The following LIN7A variants were observed in gnomAD, a reference collection of about 807,000 sequenced individuals.
LIN7A encodes the protein protein lin-7 homolog A.
In LIN7A, 25 loss-of-function variants were observed where a neutral mutation model predicts 29.8. That is an observed-to-expected ratio of 0.84 (90% CI 0.61 to 1.17). The LOEUF is 1.17. Ranked by LOEUF, LIN7A falls within the 50% of genes most tolerant of loss-of-function variation. LIN7A has a pLI of 0.00. For synonymous variants in LIN7A, 118 were observed against 107.5 expected, an observed-to-expected ratio of 1.10 and a Z score of -0.60; for missense variants, 239 against 287.0, an observed-to-expected ratio of 0.83 and a Z score of 1.21.
At chr12:80,887,490 G>C (rs760578513) in intron 2 of LIN7A, among the ~76,000 whole-genome samples, 11 of 152,124 alleles carry the variant, frequency 7.2e-5, no homozygotes, top group Non-Finnish European at 1.6e-4. Context: ...CCTCTATGGA[G>C]CCTACCTTGC....
chr12:80,846,484 A>G (rs1289305961), intron 3 of LIN7A, among the ~76,000 whole-genome samples: 1 of 152,202 alleles, frequency 6.6e-6, no homozygotes, highest in Non-Finnish European at 1.5e-5. Flanking sequence ...AAAGCTTAGC[A>G]AATTTAACTT....
intron 5 of LIN7A, among the ~76,000 whole-genome samples, chr12:80,806,085 C>CA (rs1286154663): frequency 2.6e-5 from 4 of 151,416 alleles, no homozygotes; most frequent in Admixed American, 6.6e-5. Context: ...ATTAAAAAAA[C>CA]AAAAAACAAA....
chr12:80,927,362 C>T (rs1210775538), intron 1 of LIN7A, among the ~76,000 whole-genome samples: 1 of 151,948 alleles, frequency 6.6e-6, no homozygotes, highest in South Asian at 2.1e-4. Context: ...GGGGTTTCAC[C>T]GTGGTCTGGA....
At position 80,793,226 on chromosome 12, in the gene LIN7A, G is replaced by A. The variant is rs1382383020; in HGVS notation, c.*4501C>T. The A allele has an allele frequency of 1.3e-5, 2 of 152,202 alleles. No individual in the cohort carries two copies. The highest frequency in any genetic ancestry group is 4.8e-5 in the African/African-American group (2 of 41,452). 9.4% of individuals were successfully genotyped at this position (152,202 alleles called of 1,614,324 possible). The stretch of plus-strand genomic sequence containing the variant: ...TATAAAATGGAACCTACTGAATAGA[G>A]TTGTTGAAGGGATTTGGTGAGATAG... On this transcript the variant is annotated 3_prime_UTR_variant, in exon 6 of 6. Transcript: ENST00000552864.
chr12:80,914,939 T>A (rs1001397159), intron 1 of LIN7A, among the ~76,000 whole-genome samples: 1 of 151,880 alleles, frequency 6.6e-6, no homozygotes, highest in Non-Finnish European at 1.5e-5. Flanking sequence ...TCCTAGCTAG[T>A]CAGGAGGCTA....
At chr12:80,802,217 T>G (rs2121488101) in intron 5 of LIN7A, among the ~76,000 whole-genome samples, 1 of 152,244 alleles carries the variant, frequency 6.6e-6, no homozygotes, top group African/African-American at 2.4e-5. Flanking sequence ...AAGATTCCGC[T>G]TATAAGTGAG....
intron 1 of LIN7A, chr12:80,937,119 C>G (rs1878274629): frequency 6.5e-6 from 1 of 153,090 alleles, no homozygotes; most frequent in Non-Finnish European, 1.5e-5. Flanking sequence ...AGGGGTGCGC[C>G]CAGCCCGCCC....
Position 80,937,921 on chromosome 12 carries a change from A to G in LIN7A, c.-199T>C. The G allele has an allele frequency of 2.3e-6, 1 of 433,298 alleles. No homozygotes were observed. The highest frequency in any genetic ancestry group is 5.7e-5 in the South Asian group (1 of 17,426). The allele number at this position is 433,298 out of a possible 1,614,324, so 26.8% of individuals were successfully genotyped here. A position where few individuals can be genotyped will look rare whatever the true frequency, so the allele number is the denominator to read the frequency against. ...AGTTGCGGTGCGGAGCTGAGCAGGT[A>G]TCCGAGAGCGACTGCATCGCCGGGC... On this transcript the variant is annotated 5_prime_UTR_variant, in exon 1 of 6. Coordinates refer to ENST00000552864, the MANE Select transcript of LIN7A (RefSeq NM_004664.4).
chr12:80,847,920 A>G (rs74895697), intron 3 of LIN7A, among the ~76,000 whole-genome samples: 1 of 152,338 alleles, frequency 6.6e-6, no homozygotes, highest in East Asian at 1.9e-4. Flanking sequence ...TCATGCACTG[A>G]ATATGATACA....
intron 1 of LIN7A, among the ~76,000 whole-genome samples, chr12:80,909,523 T>C (rs1876647550): frequency 6.6e-6 from 1 of 152,152 alleles, no homozygotes; most frequent in Non-Finnish European, 1.5e-5. Flanking sequence ...ATTAAGGTGC[T>C]GGGAGATTCA....
chr12:80,865,801 T>C (rs1182056354), intron 2 of LIN7A, among the ~76,000 whole-genome samples: 1 of 152,216 alleles, frequency 6.6e-6, no homozygotes, highest in African/African-American at 2.4e-5. Flanking sequence ...ATACAGCCTT[T>C]CAGAGGATAG....
chr12:80,883,561 T>C (rs1051418623), intron 2 of LIN7A, among the ~76,000 whole-genome samples: 3 of 152,180 alleles, frequency 2.0e-5, no homozygotes, highest in African/African-American at 7.2e-5. Context: ...ATTCATTCCC[T>C]AACCTATCAA....
At chr12:80,904,334 A>G (rs1188984642) in intron 1 of LIN7A, among the ~76,000 whole-genome samples, 4 of 152,136 alleles carry the variant, frequency 2.6e-5, no homozygotes, top group African/African-American at 9.7e-5. Context: ...CTACTCTCCT[A>G]GTGATTTTCA....
chr12:80,856,815 G>C (rs1332351974), intron 2 of LIN7A, among the ~76,000 whole-genome samples: 3 of 151,958 alleles, frequency 2.0e-5, no homozygotes, highest in African/African-American at 7.3e-5. Context: ...GTTATTAATA[G>C]GATGGCAATA....
intron 2 of LIN7A, among the ~76,000 whole-genome samples, chr12:80,865,917 A>G (rs1252606180): frequency 6.6e-6 from 1 of 152,170 alleles, no homozygotes; most frequent in Non-Finnish European, 1.5e-5. Context: ...TTAAATCACT[A>G]TGGGCCATTT....
At chr12:80,913,906 GC>G (rs1232278767) in intron 1 of LIN7A, among the ~76,000 whole-genome samples, 1 of 151,736 alleles carries the variant, frequency 6.6e-6, no homozygotes, top group Non-Finnish European at 1.5e-5. Flanking sequence ...ATATTATTTG[GC>G]GTCTATGCTT....
At chr12:80,848,142 T>C in intron 3 of LIN7A, 109 bp downstream of exon 3, 1 of 819,260 alleles carries the variant, frequency 1.2e-6, no homozygotes, top group Non-Finnish European at 2.1e-6. Flanking sequence ...GCCACTGATG[T>C]CTAAATTCTC....
intron 1 of LIN7A, among the ~76,000 whole-genome samples, chr12:80,925,041 T>A (rs1042594977): frequency 6.6e-6 from 1 of 152,250 alleles, no homozygotes; most frequent in Non-Finnish European, 1.5e-5. Context: ...TTCGCTCATT[T>A]ACCTAGTTTT....
chr12:80,921,420 G>T, intron 1 of LIN7A, among the ~76,000 whole-genome samples: 1 of 151,276 alleles, frequency 6.6e-6, no homozygotes, highest in Admixed American at 6.6e-5. Flanking sequence ...TAGTTTTGGA[G>T]GCTGGCACTT....
Sources: gnomAD v4.1 joint callset for allele counts (sites outside exome capture counted in the v4.1 genomes callset) on GRCh38, gnomAD v4.1.1 for gene constraint, MANE v1.5 for transcripts, NCBI Gene and HGNC (gene_info 2026-07-23, HGNC 2026-07-21) for gene names.